TNNI3K: variants seen among roughly 807,000 people sequenced by gnomAD.
TNNI3K encodes the protein serine/threonine-protein kinase TNNI3K.
Under a neutral mutation model 114.5 loss-of-function variants are expected in TNNI3K, and 140 were observed. The ratio of observed to expected loss-of-function variants is 1.22; its 90% CI spans 1.07 to 1.41. The LOEUF (loss-of-function observed/expected upper bound fraction) is 1.41. TNNI3K is among the 40% of genes most tolerant of loss of function. The probability of loss-of-function intolerance (pLI) is 0.00; values close to 1 mark genes in which losing one functional copy is unlikely to be tolerated. For missense variants in TNNI3K, 1,125 were observed against 1,007.6 expected, an observed-to-expected ratio of 1.12 and a Z score of -1.58; for synonymous variants, 347 against 347.5, an observed-to-expected ratio of 1.00 and a Z score of 0.02.
chr1:74,343,004 T>G lies in TNNI3K; in HGVS notation c.827+18T>G, dbSNP rs1052980707. 6 of 1,613,730 alleles carry G rather than the reference T, an allele frequency of 3.7e-6. No individual in the cohort carries two copies. The highest frequency in any genetic ancestry group is 5.1e-6 in the Non-Finnish European group (6 of 1,179,796). On this transcript the variant is annotated intron_variant, in intron 8 of 24. Transcript: ENST00000326637. The stretch of plus-strand genomic sequence containing the variant: ...TTACACCTGTGAGTATTATGTAGCA[T>G]TCCATAGGTTCTCCAGGTATACTGC...
At chr1:74,367,471 AT>A in intron 12 of TNNI3K, 129 bp downstream of exon 12, 1 of 942,726 alleles carries the variant, frequency 1.1e-6, no homozygotes, top group Non-Finnish European at 1.5e-6. Context: ...GATTAGATTT[AT>A]TTTAAGTAAC....
intron 20 of TNNI3K, among the ~76,000 whole-genome samples, chr1:74,459,734 T>A (rs929026063): frequency 3.3e-5 from 5 of 152,240 alleles, no homozygotes; most frequent in Non-Finnish European, 7.3e-5. Context: ...AGCTTTTCAC[T>A]GGTCTATCAC....
chr1:74,502,626 A>G (rs1159581189), intron 23 of TNNI3K, among the ~76,000 whole-genome samples: 1 of 152,188 alleles, frequency 6.6e-6, no homozygotes, highest in Admixed American at 6.5e-5. Flanking sequence ...ACTACCTCGC[A>G]CTTAAACTGC....
chr1:74,475,924 G>T (rs1182173928), intron 21 of TNNI3K: 1 of 467,328 alleles, frequency 2.1e-6, no homozygotes, highest in Admixed American at 3.8e-5. Context: ...ATCAGAATGG[G>T]TAGGAAGTCC....
At position 74,369,264 on chromosome 1, in the gene TNNI3K, G is replaced by A. The variant is rs192259069; in HGVS notation, c.1472G>A (p.Arg491His). The change falls in exon 15 of 25, where the codon CGT (arginine) becomes CAT (histidine). Residue 491 changes from arginine (R) to histidine (H), a missense_variant and splice_region_variant. Physicochemically the swap from Arg to His is conservative, Grantham distance 29 (BLOSUM62 0). Transcript: ENST00000326637. ...RCRNKIVAIK[R>H]YRANTYCSKS... Reference sequence around the variant, plus strand: ...AGAAATAAAATAGTGGCTATAAAACGGTAAGCAAGCAAATGAAAAAATTTA... The same window carrying A: ...AGAAATAAAATAGTGGCTATAAAACAGTAAGCAAGCAAATGAAAAAATTTA... 7.4e-6 allele frequency: 12 copies of A among 1,611,748 alleles called. No homozygotes were observed. The highest frequency in any genetic ancestry group is 6.7e-5 in the Admixed American group (4 of 59,662).
chr1:74,506,514 C>A (rs1283969225), intron 23 of TNNI3K, among the ~76,000 whole-genome samples: 2 of 152,166 alleles, frequency 1.3e-5, no homozygotes, highest in African/African-American at 2.4e-5. Flanking sequence ...GTGACATGAG[C>A]AAATCCCTTT....
intron 2 of TNNI3K, among the ~76,000 whole-genome samples, chr1:74,248,775 C>A (rs567466981): frequency 6.6e-6 from 1 of 152,264 alleles, no homozygotes; most frequent in Non-Finnish European, 1.5e-5. Flanking sequence ...ATCCCTCTCC[C>A]CTCAAGGCAG....
chr1:74,503,603 T>C (rs962756508), intron 23 of TNNI3K, among the ~76,000 whole-genome samples: 18 of 152,132 alleles, frequency 1.2e-4, no homozygotes, highest in African/African-American at 3.9e-4. Context: ...AGGATAGCTA[T>C]CATCTCTGAG....
At chr1:74,482,719 T>C (rs1668565492) in intron 21 of TNNI3K, among the ~76,000 whole-genome samples, 1 of 152,234 alleles carries the variant, frequency 6.6e-6, no homozygotes, top group Non-Finnish European at 1.5e-5. Flanking sequence ...TAAGGTGTCT[T>C]ATTAAATTGT....
chr1:74,291,007 TAAAG>T (rs943695556), intron 5 of TNNI3K, among the ~76,000 whole-genome samples: 2 of 151,820 alleles, frequency 1.3e-5, no homozygotes, highest in Admixed American at 6.6e-5. Context: ...TGCACACACA[TAAAG>T]AGAGAGAAAG....
chr1:74,489,368 A>G, intron 22 of TNNI3K, 120 bp downstream of exon 22: 3 of 963,170 alleles, frequency 3.1e-6, no homozygotes, highest in South Asian at 3.9e-5. Flanking sequence ...AACTCCATCC[A>G]TATTTGCCCT....
At chr1:74,309,791 C>T (rs997862288) in intron 5 of TNNI3K, among the ~76,000 whole-genome samples, 1 of 152,204 alleles carries the variant, frequency 6.6e-6, no homozygotes, top group Non-Finnish European at 1.5e-5. Flanking sequence ...ACAAATGAGG[C>T]ATTGAAGAAA....
At chr1:74,345,338 T>C (rs1660950179) in intron 9 of TNNI3K, among the ~76,000 whole-genome samples, 1 of 152,090 alleles carries the variant, frequency 6.6e-6, no homozygotes, top group Non-Finnish European at 1.5e-5. Flanking sequence ...TTTCAGTCCT[T>C]AAAGGAGCCC....
intron 9 of TNNI3K, among the ~76,000 whole-genome samples, chr1:74,346,467 C>T (rs991598754): frequency 6.6e-6 from 1 of 151,958 alleles, no homozygotes; most frequent in Non-Finnish European, 1.5e-5. Context: ...TGACTAATAT[C>T]CCTGAAAGCA....
chr1:74,293,830 T>G (rs1056726948), intron 5 of TNNI3K, among the ~76,000 whole-genome samples: 1 of 151,818 alleles, frequency 6.6e-6, no homozygotes, highest in African/African-American at 2.4e-5. Flanking sequence ...TTTCTAAGTA[T>G]GTATAGACAT....
At chr1:74,484,097 T>C (rs1201059279) in intron 21 of TNNI3K, among the ~76,000 whole-genome samples, 1 of 151,952 alleles carries the variant, frequency 6.6e-6, no homozygotes, top group East Asian at 1.9e-4. Flanking sequence ...GTTTAGTAAA[T>C]GTTAAACTTT....
At position 74,342,927 on chromosome 1, in the gene TNNI3K, A is replaced by G; in HGVS notation, c.768A>G (p.Gln256=). Residue 256 remains glutamine (Q), a synonymous_variant, in exon 8 of 25, where the codon CAA becomes CAG. Transcript: ENST00000326637. The part of the protein sequence containing the change: ...GHHDIVKYLL[Q]SDLEVQPHVV... ...ATGATATAGTTAAGTATCTGCTGCA[A>G]AGTGATTTGGAAGTTCAACCTCATG... 1 of 1,613,918 alleles carries G rather than the reference A, an allele frequency of 6.2e-7. No individual in the cohort carries two copies. The highest frequency in any genetic ancestry group is 8.5e-7 in the Non-Finnish European group (1 of 1,179,904).
chr1:74,355,118 G>C (rs1376596999), intron 11 of TNNI3K, among the ~76,000 whole-genome samples: 1 of 152,150 alleles, frequency 6.6e-6, no homozygotes, highest in Non-Finnish European at 1.5e-5. Context: ...AAAAATGCCA[G>C]ATTTTAAAGT....
chr1:74,273,380 A>T (rs1656475058), intron 5 of TNNI3K, among the ~76,000 whole-genome samples: 2 of 151,990 alleles, frequency 1.3e-5, no homozygotes, highest in Admixed American at 6.6e-5. Flanking sequence ...AGAAAGAAAG[A>T]AACTGAGGCC....
Sources: allele counts gnomAD v4.1 joint callset (sites outside exome capture counted in the v4.1 genomes callset), GRCh38; gene constraint gnomAD v4.1.1; transcripts MANE v1.5; gene names NCBI Gene and HGNC (gene_info 2026-07-23, HGNC 2026-07-21).